LRRC1: variants seen among roughly 807,000 people sequenced by gnomAD.
LRRC1 encodes the protein leucine rich repeat containing 1, also known as leucine-rich repeat-containing protein 1.
LRRC1 carries 28 observed loss-of-function variants against 69.9 expected under a neutral mutation model. The ratio of observed to expected loss-of-function variants is 0.40; its 90% confidence interval spans 0.30 to 0.55. The LOEUF (loss-of-function observed/expected upper bound fraction) is 0.55, where lower values mean the gene tolerates loss of function less well. Ranked by LOEUF, LRRC1 falls within the 20% of genes least tolerant of loss-of-function variation. The pLI is 0.47. For synonymous variants in LRRC1, 236 were observed against 240.2 expected (o/e 0.98, Z 0.16); for missense variants, 498 against 609.0 (o/e 0.82, Z 1.92).
At chr6:53,830,700 C>T (rs1765401192) in intron 1 of LRRC1, among the ~76,000 whole-genome samples, 1 of 151,930 alleles carries the variant, frequency 6.6e-6, no homozygotes, top group South Asian at 2.1e-4. Context: ...TGCAAGACTG[C>T]CTCTTACAGG....
At chr6:53,902,490 A>G in intron 8 of LRRC1, 139 bp from the exon 9 acceptor site, 1 of 485,678 alleles carries the variant, frequency 2.1e-6, no homozygotes, top group Non-Finnish European at 3.6e-6. Flanking sequence ...ATAGAGTTTC[A>G]TAATGTGAAA....
At chr6:53,890,497 C>T (rs1284213044) in intron 4 of LRRC1, among the ~76,000 whole-genome samples, 1 of 152,004 alleles carries the variant, frequency 6.6e-6, no homozygotes, top group Non-Finnish European at 1.5e-5. Context: ...ATCCATGTGG[C>T]CCCCGGTCAC....
In LRRC1 at chr6:53,922,621, CTGTT is replaced by C; in HGVS notation, c.1417-8_1417-5del. ...GAATAAAACCAAAACACTCACTCCA[CTGTT>C]TGTTTTTAGAGAACACTTCTAAGGC... On this transcript the variant is annotated splice_polypyrimidine_tract_variant and intron_variant, in intron 13 of 13. Coordinates refer to ENST00000370888, the MANE Select transcript of LRRC1 (RefSeq NM_018214.5). 1 of 1,600,476 alleles carries C rather than the reference CTGTT, an allele frequency of 6.2e-7. No individual in the cohort carries two copies. Among genetic ancestry groups the C allele is most frequent in the Non-Finnish European group, 8.5e-7 (1 of 1,171,356 alleles).
chr6:53,899,029 A>C (rs889563034), intron 7 of LRRC1, among the ~76,000 whole-genome samples: 1 of 152,222 alleles, frequency 6.6e-6, no homozygotes, highest in Non-Finnish European at 1.5e-5. Flanking sequence ...CAGAGCTGAC[A>C]GTCAAGGTAA....
At chr6:53,904,002 G>A (rs1305981815) in intron 9 of LRRC1, among the ~76,000 whole-genome samples, 5 of 152,190 alleles carry the variant, frequency 3.3e-5, no homozygotes, top group Non-Finnish European at 7.3e-5. Context: ...CAGTGCTCTG[G>A]CTTCCACGGA....
chr6:53,800,662 C>T (rs1021034052), intron 1 of LRRC1, among the ~76,000 whole-genome samples: 38 of 150,246 alleles, frequency 2.5e-4, no homozygotes, highest in African/African-American at 8.3e-4. Flanking sequence ...TTTTTTTAGA[C>T]GGAATCTCAC....
intron 1 of LRRC1, among the ~76,000 whole-genome samples, chr6:53,826,841 T>A (rs181505865): frequency 2.6e-5 from 4 of 152,136 alleles, no homozygotes; most frequent in Non-Finnish European, 2.9e-5. Flanking sequence ...TTTTTTTTTT[T>A]AACACTCTTC....
chr6:53,896,587 G>A, intron 5 of LRRC1, 33 bp downstream of exon 5: 1 of 1,559,498 alleles, frequency 6.4e-7, no homozygotes. Context: ...AGGAGATTTT[G>A]TGCAGAATGA....
At chr6:53,796,461 T>C (rs1207845728) in intron 1 of LRRC1, among the ~76,000 whole-genome samples, 3 of 152,194 alleles carry the variant, frequency 2.0e-5, no homozygotes, top group Non-Finnish European at 4.4e-5. Flanking sequence ...TGGACCTGTT[T>C]TAGGCCTGAG....
intron 11 of LRRC1, 52 bp downstream of exon 11, chr6:53,914,021 C>T (rs1471108542): frequency 8.0e-7 from 1 of 1,252,944 alleles, no homozygotes; most frequent in African/African-American, 1.5e-5. Flanking sequence ...TACATACATC[C>T]CAATCTTGGC....
intron 2 of LRRC1, among the ~76,000 whole-genome samples, chr6:53,848,778 A>G (rs550378968): frequency 1.5e-4 from 22 of 150,950 alleles, no homozygotes; most frequent in African/African-American, 4.4e-4. Flanking sequence ...TTTTTCCAAG[A>G]CAGAGTTTTG....
At chr6:53,862,531 G>T (rs1332243902) in intron 2 of LRRC1, among the ~76,000 whole-genome samples, 1 of 152,148 alleles carries the variant, frequency 6.6e-6, no homozygotes, top group African/African-American at 2.4e-5. Context: ...AAAAGCTGAG[G>T]TATAAGGGTT....
intron 1 of LRRC1, among the ~76,000 whole-genome samples, chr6:53,835,296 T>G (rs1365693758): frequency 2.6e-5 from 4 of 152,252 alleles, no homozygotes; most frequent in Non-Finnish European, 5.9e-5. Context: ...AACTTCATGC[T>G]TAATGTTATA....
intron 1 of LRRC1, among the ~76,000 whole-genome samples, chr6:53,812,714 A>T (rs1764832710): frequency 1.6e-5 from 2 of 125,980 alleles, no homozygotes; most frequent in Non-Finnish European, 3.4e-5. Flanking sequence ...AAAAAAAAAA[A>T]TTTGAAGAAA....
intron 1 of LRRC1, among the ~76,000 whole-genome samples, chr6:53,810,502 C>T (rs1764761101): frequency 6.6e-6 from 1 of 152,072 alleles, no homozygotes; most frequent in Non-Finnish European, 1.5e-5. Context: ...CACCTGTAGT[C>T]CCAGCTACTT....
chr6:53,800,915 C>T (rs971104840), intron 1 of LRRC1, among the ~76,000 whole-genome samples: 1 of 152,240 alleles, frequency 6.6e-6, no homozygotes, highest in African/African-American at 2.4e-5. Context: ...GCTGGGATTA[C>T]AGGCGTTAGC....
In LRRC1 at chr6:53,811,141, T is replaced by C. The variant is rs143198689; in HGVS notation, c.159+15726T>C. On this transcript the variant is annotated intron_variant, in intron 1 of 13. Transcript: ENST00000370888. ...GTTTAGATACGTAACTCCTCAGATA[T>C]GTCCACATTCTCATTGTGTCTAACC... Among the ~76,000 whole-genome samples, 113 of 152,360 alleles carry C rather than the reference T, an allele frequency of 7.4e-4. 1 individual carries two copies. The highest frequency in any genetic ancestry group is 3.4e-3 in the Middle Eastern group (1 of 294).
chr6:53,815,155 G>A (rs1009130982), intron 1 of LRRC1, among the ~76,000 whole-genome samples: 5 of 152,052 alleles, frequency 3.3e-5, no homozygotes, highest in African/African-American at 1.2e-4. Flanking sequence ...TCATCAGTGG[G>A]ACCAGGAATC....
At chr6:53,857,062 C>T (rs189932517) in intron 2 of LRRC1, among the ~76,000 whole-genome samples, 49 of 152,106 alleles carry the variant, frequency 3.2e-4, no homozygotes, top group Non-Finnish European at 6.0e-4. Flanking sequence ...GGTGAGATGC[C>T]GTTGGAGTAT....
Sources: allele counts gnomAD v4.1 joint callset (sites outside exome capture counted in the v4.1 genomes callset), GRCh38; gene constraint gnomAD v4.1.1; transcripts MANE v1.5; gene names NCBI Gene and HGNC (gene_info 2026-07-23, HGNC 2026-07-21).